TNS3: variants seen among roughly 807,000 people sequenced by gnomAD.
The protein encoded by TNS3 is tensin 3.
Under a neutral mutation model 140.9 loss-of-function variants are expected in TNS3, and 45 were observed. That is an observed-to-expected ratio of 0.32 (90% confidence interval 0.25 to 0.41). TNS3 has a LOEUF of 0.41. TNS3 is among the 10% of genes least tolerant of loss of function. The pLI, the probability that TNS3 is intolerant of heterozygous loss-of-function variation, is 1.00. For synonymous variants in TNS3, 815 were observed against 788.4 expected, an observed-to-expected ratio of 1.03 and a Z score of -0.56; for missense variants, 1,716 against 1,906.7, an observed-to-expected ratio of 0.90 and a Z score of 1.86.
chr7:47,476,654 C>G (rs1797205080), intron 4 of TNS3, among the ~76,000 whole-genome samples: 1 of 152,180 alleles, frequency 6.6e-6, no homozygotes, highest in African/African-American at 2.4e-5. Context: ...GGTGCATGCC[C>G]CTGATGCCTT....
At position 47,297,219 on chromosome 7, in the gene TNS3, G is replaced by A. The variant is rs373943573; in HGVS notation, c.3545-6C>T. ...GTCCTTCAACATGGCGATGGCTGGA[G>A]AAAGGGAGGAGAAAGACAAGAAGGT... On this transcript the variant is annotated splice_polypyrimidine_tract_variant and splice_region_variant and intron_variant, in intron 23 of 30. Coordinates refer to ENST00000311160, the MANE Select transcript of TNS3 (RefSeq NM_022748.12). 1.9e-6 allele frequency: 3 copies of A among 1,607,494 alleles called. No individual in the cohort carries two copies. Among genetic ancestry groups the A allele is most frequent in the African/African-American group, 1.3e-5 (1 of 74,728 alleles).
intron 1 of TNS3, among the ~76,000 whole-genome samples, chr7:47,543,409 C>A (rs1237736772): frequency 2.0e-5 from 3 of 152,200 alleles, no homozygotes; most frequent in Non-Finnish European, 2.9e-5. Flanking sequence ...GTGCATGGGG[C>A]ACCTGAAAGA....
rs898985026 is a variant in TNS3 at position 47,411,794 on chromosome 7, C to T, written c.656G>A (p.Gly219Asp). 6 of 1,613,156 alleles carry T rather than the reference C, an allele frequency of 3.7e-6. No homozygotes were observed. Among genetic ancestry groups the T allele is most frequent in the Non-Finnish European group, 5.1e-6 (6 of 1,179,694 alleles). ...PVYTSGIYNV[G>D]PENPSRICIV... is the part of the protein sequence containing the mutation. ...GCAGATCCTGCTGGGGTTTTCTGGG[C>T]CAACGTTGCTTTGGGATGAAGAAGA... Residue 219 changes from glycine (G) to aspartate (D), a missense_variant, in exon 13 of 31, where the codon GGC becomes GAC. Gly to Asp is a moderately conservative substitution (Grantham distance 94, BLOSUM62 -1). Coordinates refer to ENST00000311160, the MANE Select transcript of TNS3 (RefSeq NM_022748.12).
intron 16 of TNS3, among the ~76,000 whole-genome samples, chr7:47,388,215 C>T (rs185180414): frequency 2.0e-5 from 3 of 152,158 alleles, no homozygotes; most frequent in Non-Finnish European, 4.4e-5. Context: ...AGGACCAAAC[C>T]CTCATTACAC....
upstream of TNS3, chr7:47,582,311 C>G (rs1293852733): frequency 4.9e-6 from 2 of 404,882 alleles, no homozygotes; most frequent in African/African-American, 4.1e-5. Context: ...GAGGTGCGCC[C>G]TGGGACCTCC....
intron 4 of TNS3, among the ~76,000 whole-genome samples, chr7:47,462,594 T>C (rs1033544580): frequency 3.3e-5 from 5 of 152,218 alleles, no homozygotes; most frequent in African/African-American, 1.2e-4. Context: ...AGGTATTGAC[T>C]AGGGTTCCAT....
rs1562675150 is a variant in TNS3, at chr7:47,389,074, A to AGCG, written c.1024+7725_1024+7726insCGC. Among the ~76,000 whole-genome samples, 8 of 64,484 alleles carry AGCG rather than the reference A, an allele frequency of 1.2e-4. 3 individuals carry two copies. Among genetic ancestry groups the AGCG allele is most frequent in the Admixed American group, 3.2e-4 (2 of 6,230 alleles). The allele number at this position is 64,484 out of a possible 152,430, so 42.3% of individuals were successfully genotyped here. A position where few individuals can be genotyped will look rare whatever the true frequency, so the allele number is the denominator to read the frequency against. ...AAGAAGAAGAAGAAGAAGAAGAAGA[A>AGCG]GAAGAAGAAGAGGAAGAGGAAGAGG... On this transcript the variant is annotated intron_variant, in intron 16 of 30. Transcript: ENST00000311160.
intron 16 of TNS3, among the ~76,000 whole-genome samples, chr7:47,379,435 T>C (rs1009502680): frequency 3.9e-5 from 6 of 152,222 alleles, no homozygotes; most frequent in Non-Finnish European, 8.8e-5. Flanking sequence ...TTGGAGTTTT[T>C]ATTAAATCAT....
chr7:47,303,156 C>A lies in TNS3; in HGVS notation c.3251G>T (p.Gly1084Val). ...CAGGGTCACACCCTGGCCCTGCAGGCCTGGACTGTGGTGGCTGCTGTGTCC... is the reference window on the plus strand; with the variant it reads ...CAGGGTCACACCCTGGCCCTGCAGGACTGGACTGTGGTGGCTGCTGTGTCC... ...APGHSSHHSP[G>V]LQGQGVTLPG... The change falls in exon 22 of 31, where the codon GGC becomes GTC. Residue 1084 changes from glycine to valine, a missense_variant. Gly to Val is a moderately radical substitution (Grantham distance 109). Coordinates refer to ENST00000311160, the MANE Select transcript of TNS3 (RefSeq NM_022748.12). The A allele has an allele frequency of 2.5e-6, 4 of 1,613,950 alleles. No homozygotes were observed. The East Asian group carries it at 6.7e-5, about 27-fold the overall frequency.
chr7:47,539,276 T>C (rs1799714151), intron 1 of TNS3: 1 of 372,756 alleles, frequency 2.7e-6, no homozygotes, highest in African/African-American at 2.1e-5. Flanking sequence ...GGCTTTTTAT[T>C]GCAGGGATAC....
intron 20 of TNS3, among the ~76,000 whole-genome samples, chr7:47,327,051 G>A (rs1788060965): frequency 6.6e-6 from 1 of 152,188 alleles, no homozygotes; most frequent in Non-Finnish European, 1.5e-5. Flanking sequence ...CAGCCACGCA[G>A]AGGAGGGAGC....
intron 8 of TNS3, 111 bp downstream of exon 8, chr7:47,435,171 C>T: frequency 1.4e-6 from 2 of 1,432,670 alleles, no homozygotes; most frequent in Non-Finnish European, 1.9e-6. Flanking sequence ...ATAAGGAGCA[C>T]ATCGCACCAG....
intron 20 of TNS3, among the ~76,000 whole-genome samples, chr7:47,325,488 C>T (rs1787978701): frequency 6.6e-6 from 1 of 152,134 alleles, no homozygotes; most frequent in Admixed American, 6.5e-5. Flanking sequence ...CGTGGTGGAA[C>T]GAGAAGTTGA....
intron 1 of TNS3, among the ~76,000 whole-genome samples, chr7:47,562,811 A>C (rs761284411): frequency 2.0e-5 from 3 of 152,240 alleles, no homozygotes; most frequent in Admixed American, 6.5e-5. Context: ...TACGTACAAA[A>C]CAAGTAAAGT....
At chr7:47,483,859 C>T (rs1048916890) in intron 3 of TNS3, among the ~76,000 whole-genome samples, 11 of 152,250 alleles carry the variant, frequency 7.2e-5, no homozygotes, top group Non-Finnish European at 4.4e-5. Context: ...CGAACTCCAT[C>T]CATCACTTGT....
At chr7:47,428,216 T>G in intron 9 of TNS3, 96 bp downstream of exon 9, 1 of 897,906 alleles carries the variant, frequency 1.1e-6, no homozygotes, top group Non-Finnish European at 1.6e-6. Context: ...AGCCGAGCCC[T>G]TGGTATCCAG....
At position 47,297,163 on chromosome 7, in the gene TNS3, T is replaced by G. The variant is rs745715257; in HGVS notation, c.3595A>C (p.Ser1199Arg). 6.2e-7 allele frequency: 1 copy of G among 1,613,798 alleles called. No individual in the cohort carries two copies. Among genetic ancestry groups the G allele is most frequent in the South Asian group, 1.1e-5 (1 of 91,050 alleles). The change falls in exon 24 of 31, where the codon AGC becomes CGC. Residue 1199 changes from serine (S) to arginine (R), a missense_variant. Around this residue, in one of 3 missense-constraint regions of TNS3, gnomAD observed 1,163 missense variants for 1,182.1 expected, o/e 0.98. Transcript: ENST00000311160. ...KEPGSFIVRD[S>R]HSFRGAYGLA... ...CCATAGGCCCCTCGGAAGGAATGGC[T>G]GTCTCGAACAATGAATGAGCCCGGC...
At position 47,519,244 on chromosome 7, in the gene TNS3, T is replaced by C. The variant is rs1310144720; in HGVS notation, c.-153+9792A>G. ...TACCTTGTTGTTAACCTGCCCCCCA[T>C]TTAAGATATCCCCCCCCAACACAAG... On this transcript the variant is annotated intron_variant, in intron 2 of 30. Coordinates refer to ENST00000311160, the MANE Select transcript of TNS3 (RefSeq NM_022748.12). Among the ~76,000 whole-genome samples the C allele has an allele frequency of 3.7e-5, 5 of 133,962 alleles. No homozygotes were observed. The South Asian group carries it at 1.4e-3, about 38-fold the overall frequency. The allele number at this position is 133,962 out of a possible 152,430, so 87.9% of individuals were successfully genotyped here.
chr7:47,339,766 T>A (rs1402992017), intron 20 of TNS3, among the ~76,000 whole-genome samples: 1 of 152,004 alleles, frequency 6.6e-6, no homozygotes, highest in East Asian at 1.9e-4. Context: ...AAACTGTCTG[T>A]CAATCTGGAA....
Sources: allele counts gnomAD v4.1 joint callset (sites outside exome capture counted in the v4.1 genomes callset), GRCh38; gene constraint gnomAD v4.1.1; regional missense constraint gnomAD v4.1.1; transcripts MANE v1.5; gene names NCBI Gene and HGNC (gene_info 2026-07-23, HGNC 2026-07-21).